The following CS variants were observed in gnomAD, a reference collection of about 807,000 sequenced individuals.
CS encodes citrate synthase, mitochondrial.
A neutral mutation model predicts 61.4 loss-of-function variants in CS; 13 were observed. The observed-to-expected ratio is 0.21, with a 90% CI of 0.14 to 0.34. The LOEUF is 0.34. Among genes scored for constraint, CS ranks in the 10% least tolerant of loss-of-function variants. The pLI, the probability that CS is intolerant of heterozygous loss-of-function variation, is 1.00. For synonymous variants in CS, 159 were observed against 215.2 expected (o/e 0.74, Z 2.29); for missense variants, 278 against 573.4 (o/e 0.48, Z 5.26).
At chr12:56,295,379 G>A (rs556103376) in intron 1 of CS, among the ~76,000 whole-genome samples, 7 of 151,598 alleles carry the variant, frequency 4.6e-5, no homozygotes, top group African/African-American at 7.3e-5. Flanking sequence ...AAATTAGCCC[G>A]GCGTGGTGGC....
chr12:56,296,062 T>TTATTATAATTC (rs1873296697), intron 1 of CS, among the ~76,000 whole-genome samples: 1 of 150,798 alleles, frequency 6.6e-6, no homozygotes, highest in Non-Finnish European at 1.5e-5. Flanking sequence ...CTTTGCAGAA[T>TTATTATAATTC]TGTAATCTGA....
At chr12:56,285,184 G>T (rs567291227) in intron 3 of CS, 1 of 362,544 alleles carries the variant, frequency 2.8e-6, no homozygotes. Flanking sequence ...GACCTCAGAT[G>T]AGCCACCCGC....
At chr12:56,278,856 C>T (rs1872696276) in intron 6 of CS, among the ~76,000 whole-genome samples, 1 of 152,122 alleles carries the variant, frequency 6.6e-6, no homozygotes, top group Non-Finnish European at 1.5e-5. Context: ...TCACTGCAAC[C>T]TCTGCCTCCT....
chr12:56,272,435 G>GATT lies in CS; in HGVS notation c.*648_*649insAAT, dbSNP rs1872539691. 1 of 152,556 alleles carries GATT rather than the reference G, an allele frequency of 6.6e-6. No homozygotes were observed. Among genetic ancestry groups the GATT allele is most frequent in the Non-Finnish European group, 1.5e-5 (1 of 68,508 alleles). 9.5% of individuals were successfully genotyped at this position (152,556 alleles called of 1,614,324 possible). ...GAGGAGGTGAGTATTAAAGTAATGGGAAACAGAACACTCCCAGACCTTAAT... is the reference window on the plus strand; with the variant it reads ...GAGGAGGTGAGTATTAAAGTAATGGGATTAAACAGAACACTCCCAGACCTTAAT... On this transcript the variant is annotated 3_prime_UTR_variant, in exon 11 of 11. Coordinates refer to ENST00000351328, the MANE Select transcript of CS (RefSeq NM_004077.3).
At position 56,273,270 on chromosome 12, in the gene CS, G is replaced by C; in HGVS notation, c.1231-16C>G. 1 of 1,611,116 alleles carries C rather than the reference G, an allele frequency of 6.2e-7. No individual in the cohort carries two copies. Among genetic ancestry groups the C allele is most frequent in the Non-Finnish European group, 8.5e-7 (1 of 1,178,392 alleles). On this transcript the variant is annotated splice_polypyrimidine_tract_variant and intron_variant, in intron 10 of 10. Coordinates refer to ENST00000351328, the MANE Select transcript of CS (RefSeq NM_004077.3). ...TGCCATAATACTGTAAGGTAGAAGA[G>C]AAAAATATTTCATTTAAGGCAGAGG...
intron 3 of CS, chr12:56,285,163 C>G (rs1375803212): frequency 3.5e-6 from 1 of 288,532 alleles, no homozygotes. Flanking sequence ...CCAGGCTGGT[C>G]TCGAACTCCT....
At chr12:56,274,485 C>T in intron 9 of CS, 1 of 267,990 alleles carries the variant, frequency 3.7e-6, no homozygotes, top group Non-Finnish European at 7.0e-6. Context: ...TGGGGTCTTG[C>T]TGTGTTGTCC....
rs1267501519 is a variant in CS at position 56,285,904 on chromosome 12, C to T, written c.201+12G>A. ...GAGCTACTTTTCCCAGCCAAAGCCA[C>T]ACAACCCTTACCATGTCCACAGTGA... On this transcript the variant is annotated intron_variant, in intron 3 of 10. Coordinates refer to ENST00000351328, the MANE Select transcript of CS (RefSeq NM_004077.3). 1.2e-6 allele frequency: 2 copies of T among 1,607,432 alleles called. No homozygotes were observed. The highest frequency in any genetic ancestry group is 1.7e-5 in the Admixed American group (1 of 60,004).
At chr12:56,283,191 A>G (rs561492283) in intron 4 of CS, among the ~76,000 whole-genome samples, 200 bp from the exon 5 acceptor site, 2 of 152,328 alleles carry the variant, frequency 1.3e-5, no homozygotes, top group African/African-American at 2.4e-5. Flanking sequence ...TTGGCCTCCA[A>G]AAGTGCTAGG....
chr12:56,282,860 C>T lies in CS; in HGVS notation c.399G>A (p.Gln133=). The T allele has an allele frequency of 6.2e-7, 1 of 1,614,122 alleles. No individual in the cohort carries two copies. Among genetic ancestry groups the T allele is most frequent in the Non-Finnish European group, 8.5e-7 (1 of 1,180,038 alleles). ...AGCTAATAATATCCTTCTGCTTTAC[C>T]TGTTCCTCTGTTGGGATATGTCCAG... The part of the protein sequence containing the change: ...LVTGHIPTEE[Q]VSWLSKEWAK... The change falls in exon 5 of 11, where the codon CAG becomes CAA. Residue 133 remains glutamine (Q), a splice_region_variant and synonymous_variant. Transcript: ENST00000351328.
At chr12:56,277,627 A>G (rs1872660700) in intron 6 of CS, among the ~76,000 whole-genome samples, 1 of 148,840 alleles carries the variant, frequency 6.7e-6, no homozygotes, top group Admixed American at 6.7e-5. Context: ...AAAGACTTCC[A>G]TTCTTTTTTT....
intron 2 of CS, 32 bp from the exon 3 acceptor site, chr12:56,286,055 G>A: frequency 1.9e-6 from 3 of 1,556,024 alleles, no homozygotes; most frequent in Non-Finnish European, 2.7e-6. Context: ...CTAAGCAATG[G>A]TCTAAAAGTT....
At chr12:56,277,016 A>G (rs945514219) in intron 6 of CS, among the ~76,000 whole-genome samples, 1 of 151,940 alleles carries the variant, frequency 6.6e-6, no homozygotes, top group African/African-American at 2.4e-5. Context: ...CCTGGCCAAC[A>G]TGGTGAAACC....
intron 6 of CS, among the ~76,000 whole-genome samples, chr12:56,279,840 C>T (rs1872722756): frequency 7.0e-6 from 1 of 142,166 alleles, no homozygotes; most frequent in Non-Finnish European, 1.5e-5. Context: ...TGGTGGTGCG[C>T]ACCTGTAGTC....
chr12:56,286,759 G>A (rs1872952406), intron 1 of CS, 114 bp from the exon 2 acceptor site: 1 of 909,554 alleles, frequency 1.1e-6, no homozygotes, highest in Non-Finnish European at 1.7e-6. Context: ...TCTTAGGGCA[G>A]TTTGACATAA....
Position 56,300,317 on chromosome 12 carries a change from G to A in CS, c.-116C>T. 1 of 1,171,590 alleles carries A rather than the reference G, an allele frequency of 8.5e-7. No individual in the cohort carries two copies. The highest frequency in any genetic ancestry group is 1.2e-6 in the Non-Finnish European group (1 of 833,086). 72.6% of individuals were successfully genotyped at this position (1,171,590 alleles called of 1,614,324 possible). ...GCCGACGGGTTGACAAGGTTGAAAG[G>A]AGGCGGCTGAAGGAAAGAGTAGACG... On this transcript the variant is annotated 5_prime_UTR_variant, in exon 1 of 11. Coordinates refer to ENST00000351328, the MANE Select transcript of CS (RefSeq NM_004077.3).
intron 1 of CS, among the ~76,000 whole-genome samples, chr12:56,290,126 C>G (rs987555834): frequency 1.3e-5 from 2 of 151,784 alleles, no homozygotes; most frequent in African/African-American, 2.4e-5. Context: ...AAACTCCTGA[C>G]CTCAAATGAT....
chr12:56,283,929 C>T lies in CS; in HGVS notation c.202-72G>A, dbSNP rs573429091. The stretch of plus-strand genomic sequence containing the variant: ...GTAATCAGAATGATTCAGACTAGAA[C>T]TTGTTAGAGCTTCATGGGATCTGGG... On this transcript the variant is annotated intron_variant, in intron 3 of 10. Coordinates refer to ENST00000351328, the MANE Select transcript of CS (RefSeq NM_004077.3). 1.8e-5 allele frequency: 19 copies of T among 1,079,426 alleles called. No homozygotes were observed. The South Asian group carries it at 2.0e-4, about 12-fold the overall frequency. 66.9% of individuals were successfully genotyped at this position (1,079,426 alleles called of 1,614,324 possible). A position where few individuals can be genotyped will look rare whatever the true frequency, so the allele number is the denominator to read the frequency against.
rs744051 is a variant in CS, at chr12:56,273,514, T to C, written c.1230+73A>G. The C allele has an allele frequency of 0.058, 83,523 of 1,452,352 alleles. 2,807 individuals carry two copies. Among genetic ancestry groups the C allele is most frequent in the Non-Finnish European group, 0.066 (69,207 of 1,040,976 alleles). The allele number at this position is 1,452,352 out of a possible 1,614,324, so 90.0% of individuals were successfully genotyped here. A position where few individuals can be genotyped will look rare whatever the true frequency, so the allele number is the denominator to read the frequency against. On this transcript the variant is annotated intron_variant, in intron 10 of 10. Coordinates refer to ENST00000351328, the MANE Select transcript of CS (RefSeq NM_004077.3). ...AGTCCCTGCTCTGACTAGGAGTTAA[T>C]TGACTTTGTGCATGGCAGATAACAA...
Sources: allele counts gnomAD v4.1 joint callset (sites outside exome capture counted in the v4.1 genomes callset), GRCh38; gene constraint gnomAD v4.1.1; transcripts MANE v1.5; gene names NCBI Gene and HGNC (gene_info 2026-07-23, HGNC 2026-07-21).